Variants in SKOR2 observed in about 807,000 individuals in gnomAD.
The protein encoded by SKOR2 is LBX1 corepressor 1-like protein.
SKOR2 carries 47 observed loss-of-function variants against 69.1 expected under a neutral mutation model. The observed-to-expected ratio is 0.68, with a 90% confidence interval of 0.54 to 0.87. The LOEUF is 0.87. Among genes scored for constraint, SKOR2 ranks in the 40% least tolerant of loss-of-function variants. SKOR2 has a pLI of 0.00. For missense variants in SKOR2, 1,404 were observed against 1,472.2 expected (o/e 0.95, Z 0.76); for synonymous variants, 717 against 672.6 (o/e 1.07, Z -1.02).
At chr18:47,238,543 G>A (rs1266559415) in intron 4 of SKOR2, among the ~76,000 whole-genome samples, 1 of 151,822 alleles carries the variant, frequency 6.6e-6, no homozygotes, top group East Asian at 1.9e-4. Context: ...GGCTGGTCTT[G>A]AACTCCTGAC....
chr18:47,225,873 G>A (rs573463690), intron 6 of SKOR2, among the ~76,000 whole-genome samples: 107 of 152,170 alleles, frequency 7.0e-4, no homozygotes, highest in African/African-American at 2.5e-3. Flanking sequence ...GTTGGGGGAG[G>A]GGCACACAAT....
intron 4 of SKOR2, among the ~76,000 whole-genome samples, chr18:47,232,460 T>C (rs2064203438): frequency 6.6e-6 from 1 of 152,218 alleles, no homozygotes; most frequent in South Asian, 2.1e-4. Flanking sequence ...CTATCCTCAA[T>C]GCTCACATAA....
In SKOR2 at chr18:47,212,086, C is replaced by G. The variant is rs1437500968; in HGVS notation, c.*3G>C. 20 of 1,231,820 alleles carry G rather than the reference C, an allele frequency of 1.6e-5. No individual in the cohort carries two copies. In the East Asian group the frequency reaches 6.3e-4, roughly 39 times the overall value. 76.3% of individuals were successfully genotyped at this position (1,231,820 alleles called of 1,614,324 possible). On this transcript the variant is annotated splice_region_variant and 3_prime_UTR_variant, in exon 8 of 9. Transcript: ENST00000425639. The stretch of plus-strand genomic sequence containing the variant: ...AATCTCTTTCCTCTGGTGATCTTAC[C>G]TTTTAGCTTTTGCTGAGATGGGCGC...
chr18:47,227,925 TA>T (rs2064184484), intron 6 of SKOR2, among the ~76,000 whole-genome samples: 2 of 152,242 alleles, frequency 1.3e-5, no homozygotes, highest in Non-Finnish European at 2.9e-5. Flanking sequence ...TCTCACATGC[TA>T]CAGCTCCTAG....
intron 7 of SKOR2, among the ~76,000 whole-genome samples, chr18:47,215,610 A>G (rs941717278): frequency 6.6e-6 from 1 of 152,212 alleles, no homozygotes; most frequent in Non-Finnish European, 1.5e-5. Flanking sequence ...TTACAAGTCC[A>G]CCGTGAACAA....
intron 2 of SKOR2, 130 bp downstream of exon 2, chr18:47,246,441 C>A (rs940133580): frequency 8.0e-7 from 1 of 1,252,994 alleles, no homozygotes; most frequent in Non-Finnish European, 1.0e-6. Context: ...CCCTCCTAAA[C>A]ACACTGAATA....
intron 6 of SKOR2, among the ~76,000 whole-genome samples, chr18:47,224,177 G>A (rs2064170883): frequency 6.6e-6 from 1 of 152,000 alleles, no homozygotes; most frequent in Non-Finnish European, 1.5e-5. Context: ...CAAAGTACTG[G>A]GACTACAGGA....
At chr18:47,237,667 CT>C (rs1377078527) in intron 4 of SKOR2, among the ~76,000 whole-genome samples, 44 of 151,196 alleles carry the variant, frequency 2.9e-4, no homozygotes, top group Admixed American at 5.3e-4. Flanking sequence ...GAAATACATT[CT>C]TTCTCCTCCC....
intron 1 of SKOR2, among the ~76,000 whole-genome samples, chr18:47,250,902 A>C (rs1181384817): frequency 6.6e-6 from 1 of 152,078 alleles, no homozygotes; most frequent in Non-Finnish European, 1.5e-5. Flanking sequence ...CTACCAAACA[A>C]GATTCATATC....
intron 4 of SKOR2, among the ~76,000 whole-genome samples, chr18:47,236,790 T>G (rs2064225803): frequency 6.6e-6 from 1 of 152,144 alleles, no homozygotes. Flanking sequence ...TTTTTTTTTA[T>G]AGCAGCCTGG....
At chr18:47,214,205 G>A (rs1325737200) in intron 7 of SKOR2, among the ~76,000 whole-genome samples, 4 of 152,074 alleles carry the variant, frequency 2.6e-5, no homozygotes, top group Admixed American at 1.3e-4. Flanking sequence ...AAAGAAACCC[G>A]CCTGAAGGAT....
intron 7 of SKOR2, among the ~76,000 whole-genome samples, chr18:47,215,285 C>T (rs183380126): frequency 6.6e-6 from 1 of 152,144 alleles, no homozygotes; most frequent in East Asian, 1.9e-4. Context: ...TATTTAGACA[C>T]AGAACCAAAA....
chr18:47,244,856 C>T lies in SKOR2; in HGVS notation c.2752+52G>A, dbSNP rs760356288. On this transcript the variant is annotated intron_variant, in intron 4 of 8. Transcript: ENST00000425639. ...TCAGTCTTTTGATTATGAATTTCAG[C>T]CCCTCTCCCTGTCATCTGACTATTC... 4.1e-6 allele frequency: 6 copies of T among 1,454,610 alleles called. No homozygotes were observed. In the Admixed American group the frequency reaches 1.2e-4, roughly 30 times the overall value. 90.1% of individuals were successfully genotyped at this position (1,454,610 alleles called of 1,614,324 possible). A position where few individuals can be genotyped will look rare whatever the true frequency, so the allele number is the denominator to read the frequency against.
chr18:47,241,813 A>G (rs2064250131), intron 4 of SKOR2, among the ~76,000 whole-genome samples: 1 of 152,156 alleles, frequency 6.6e-6, no homozygotes, highest in African/African-American at 2.4e-5. Context: ...CTCCTACTAC[A>G]TACTTCCCAG....
intron 8 of SKOR2, among the ~76,000 whole-genome samples, chr18:47,211,787 A>G (rs1218762255): frequency 6.6e-6 from 1 of 152,204 alleles, no homozygotes; most frequent in African/African-American, 2.4e-5. Context: ...TGGGGCAGTA[A>G]CTGGGGTGTC....
intron 4 of SKOR2, among the ~76,000 whole-genome samples, chr18:47,243,691 A>T (rs1044071243): frequency 9.2e-5 from 14 of 152,218 alleles, no homozygotes; most frequent in South Asian, 4.1e-4. Flanking sequence ...ATTTTACCAC[A>T]TTAGACACTT....
At chr18:47,211,765 CTT>C (rs1201463746) in intron 8 of SKOR2, among the ~76,000 whole-genome samples, 1 of 152,208 alleles carries the variant, frequency 6.6e-6, no homozygotes, top group African/African-American at 2.4e-5. Flanking sequence ...ACTGCTGACA[CTT>C]TGGTTTCCTT....
chr18:47,242,671 G>A (rs1182021157), intron 4 of SKOR2, among the ~76,000 whole-genome samples: 2 of 151,986 alleles, frequency 1.3e-5, no homozygotes, highest in Non-Finnish European at 2.9e-5. Flanking sequence ...GTAGATAAAC[G>A]AAATTCAGGG....
intron 6 of SKOR2, among the ~76,000 whole-genome samples, chr18:47,228,147 A>G (rs1350319690): frequency 6.6e-6 from 1 of 152,254 alleles, no homozygotes; most frequent in Non-Finnish European, 1.5e-5. Context: ...TTTAGTTAAC[A>G]AGCACATAAT....
Sources: allele counts gnomAD v4.1 joint callset (sites outside exome capture counted in the v4.1 genomes callset), GRCh38; gene constraint gnomAD v4.1.1; transcripts MANE v1.5; gene names NCBI Gene and HGNC (gene_info 2026-07-23, HGNC 2026-07-21).